Variants in TTC28 observed in about 807,000 individuals in gnomAD.
The protein encoded by TTC28 is tetratricopeptide repeat protein 28.
Under a neutral mutation model 198.0 loss-of-function variants are expected in TTC28, and 61 were observed. The ratio of observed to expected loss-of-function variants is 0.31; its 90% CI spans 0.25 to 0.38. TTC28 has a LOEUF of 0.38. TTC28 is among the 10% of genes least tolerant of loss of function. The probability of loss-of-function intolerance (pLI) is 1.00; values close to 1 mark genes in which losing one functional copy is unlikely to be tolerated. For missense variants in TTC28, 2,678 were observed against 3,164.0 expected, an observed-to-expected ratio of 0.85 and a Z score of 3.69; for synonymous variants, 1,171 against 1,297.8, an observed-to-expected ratio of 0.90 and a Z score of 2.10.
intron 6 of TTC28, among the ~76,000 whole-genome samples, chr22:28,142,714 T>C (rs929371706): frequency 7.2e-5 from 11 of 151,984 alleles, no homozygotes; most frequent in Non-Finnish European, 1.5e-5. Flanking sequence ...AGAAGAAAAA[T>C]AGTGGTTGGA....
Position 28,192,877 on chromosome 22 carries a change from T to A in TTC28, c.934-29278A>T, listed in dbSNP as rs561737000. On this transcript the variant is annotated intron_variant, in intron 5 of 22. Transcript: ENST00000397906. The stretch of plus-strand genomic sequence containing the variant: ...GTTGGAAACCACTCTGCAGGATATT[T>A]TCCAGGAGAACTTCCCCAACCTAGC... Among the ~76,000 whole-genome samples, 16 of 152,282 alleles carry A rather than the reference T, an allele frequency of 1.1e-4. No individual in the cohort carries two copies. The East Asian group carries it at 3.1e-3, about 29-fold the overall frequency.
rs200650334 is a variant in TTC28, at chr22:28,459,327, A to ATG, written c.382-152686_382-152685dup. Among the ~76,000 whole-genome samples the ATG allele has an allele frequency of 8.1e-3, 1,235 of 152,194 alleles. 18 individuals carry two copies. Among genetic ancestry groups the ATG allele is most frequent in the African/African-American group, 0.027 (1,137 of 41,518 alleles). On this transcript the variant is annotated intron_variant, in intron 2 of 22. Transcript: ENST00000397906. ...ACACCTGTGGTTCCAGATACTCAGG[A>ATG]TGCTGAAGTGGGAGGATCACTTGAT...
At chr22:28,093,941 G>T in intron 12 of TTC28, 139 bp downstream of exon 12, 1 of 846,502 alleles carries the variant, frequency 1.2e-6, no homozygotes, top group Non-Finnish European at 1.7e-6. Flanking sequence ...ATTTGTTTCT[G>T]CTGCAGCAGC....
At chr22:28,269,249 G>T (rs1277166844) in intron 5 of TTC28, among the ~76,000 whole-genome samples, 2 of 151,862 alleles carry the variant, frequency 1.3e-5, no homozygotes. Context: ...TGGTATCAGT[G>T]GTCTTTGGAA....
chr22:28,620,546 AAC>A (rs929576718), intron 2 of TTC28, among the ~76,000 whole-genome samples: 1 of 152,326 alleles, frequency 6.6e-6, no homozygotes, highest in African/African-American at 2.4e-5. Context: ...TAGAGATCCT[AAC>A]ACAGTTCTTT....
At position 28,171,622 on chromosome 22, in the gene TTC28, CAAAA is replaced by C. The variant is rs5844804; in HGVS notation, c.934-8027_934-8024del. On this transcript the variant is annotated intron_variant, in intron 5 of 22. Coordinates refer to ENST00000397906, the MANE Select transcript of TTC28 (RefSeq NM_001145418.2). ...ACGGTGCTTGCAAATGGCATATTTG[CAAAA>C]AAAAAAAAAAAAAGCCCCATATTGT... 1.3e-3 allele frequency among the ~76,000 whole-genome samples: 139 copies of C among 104,606 alleles called. 1 individual carries two copies. Among genetic ancestry groups the C allele is most frequent in the African/African-American group, 4.7e-3 (130 of 27,638 alleles). The allele number at this position is 104,606 out of a possible 152,430, so 68.6% of individuals were successfully genotyped here.
intron 3 of TTC28, among the ~76,000 whole-genome samples, chr22:28,301,315 A>T (rs183243216): frequency 2.2e-3 from 332 of 152,320 alleles, no homozygotes; most frequent in Admixed American, 5.0e-3. Context: ...AGCTATTAAG[A>T]TGCTTTTCTT....
chr22:28,065,681 T>C (rs1940720851), intron 12 of TTC28, among the ~76,000 whole-genome samples: 2 of 152,238 alleles, frequency 1.3e-5, no homozygotes. Context: ...TTTTCTTTTT[T>C]ACTTATTTTG....
At chr22:28,051,156 TA>T (rs1395965329) in intron 12 of TTC28, among the ~76,000 whole-genome samples, 1 of 152,170 alleles carries the variant, frequency 6.6e-6, no homozygotes, top group African/African-American at 2.4e-5. Context: ...AAGTGACTTT[TA>T]AAATTATTCC....
chr22:28,058,790 G>C (rs1260714325), intron 12 of TTC28, among the ~76,000 whole-genome samples: 1 of 151,772 alleles, frequency 6.6e-6, no homozygotes, highest in Non-Finnish European at 1.5e-5. Context: ...AATAGACATA[G>C]GGCTATTCAT....
chr22:28,044,642 C>T (rs1353693553), intron 12 of TTC28, among the ~76,000 whole-genome samples: 1 of 152,164 alleles, frequency 6.6e-6, no homozygotes, highest in Non-Finnish European at 1.5e-5. Flanking sequence ...TGTGATGTTC[C>T]CCTTCCTGTG....
chr22:28,403,576 T>G (rs373774901), intron 2 of TTC28, among the ~76,000 whole-genome samples: 1 of 152,206 alleles, frequency 6.6e-6, no homozygotes, highest in South Asian at 2.1e-4. Flanking sequence ...GAAGGCTCAT[T>G]TTGCTTTTCC....
chr22:28,626,592 AT>A (rs1389104202), intron 2 of TTC28, among the ~76,000 whole-genome samples: 1 of 152,100 alleles, frequency 6.6e-6, no homozygotes, highest in East Asian at 1.9e-4. Context: ...GCCTAGAAAA[AT>A]AAGTATAAAA....
chr22:28,404,589 C>T (rs1214450390), intron 2 of TTC28, among the ~76,000 whole-genome samples: 1 of 152,186 alleles, frequency 6.6e-6, no homozygotes, highest in Non-Finnish European at 1.5e-5. Context: ...CAGGACTTAA[C>T]CTCCAGTTTC....
At chr22:28,585,423 G>A (rs1215781840) in intron 2 of TTC28, among the ~76,000 whole-genome samples, 1 of 152,146 alleles carries the variant, frequency 6.6e-6, no homozygotes, top group Non-Finnish European at 1.5e-5. Flanking sequence ...GTTCACGATA[G>A]GGTTAAGGCT....
chr22:28,658,585 T>C (rs5762737), intron 1 of TTC28, among the ~76,000 whole-genome samples: 61,664 of 152,118 alleles, frequency 0.41, 14,346 homozygotes, highest in East Asian at 0.63. Flanking sequence ...TTTTACAAGA[T>C]GAAGAGTTAT....
At position 28,163,503 on chromosome 22, in the gene TTC28, C is replaced by A; in HGVS notation, c.1030G>T (p.Ala344Ser). 6.4e-7 allele frequency: 1 copy of A among 1,551,744 alleles called. No homozygotes were observed. The highest frequency in any genetic ancestry group is 1.2e-5 in the South Asian group (1 of 84,054). ...LASHKQCVLL[A>S]KQSKDELSEA... ...GAAAGTTCATCTTTGGATTGCTTGG[C>A]AAGAAGAACACACTGTTTGTGACTG... The change falls in exon 6 of 23, where the codon GCC (alanine) becomes TCC (serine). Residue 344 changes from alanine (A) to serine (S), a missense_variant. Coordinates refer to ENST00000397906, the MANE Select transcript of TTC28 (RefSeq NM_001145418.2).
rs536834665 is a variant in TTC28, at chr22:28,565,975, G to A, written c.381+63577C>T. ...AGGGAAAAATCAAAAGTAGGAGAGA[G>A]TTTTGCCTAGCTCCACATGTGAAAC... On this transcript the variant is annotated intron_variant, in intron 2 of 22. Transcript: ENST00000397906. 3.3e-5 allele frequency among the ~76,000 whole-genome samples: 5 copies of A among 152,278 alleles called. No homozygotes were observed. In the East Asian group the frequency reaches 9.6e-4, roughly 29 times the overall value.
At chr22:28,245,726 ATG>A (rs1401185507) in intron 5 of TTC28, among the ~76,000 whole-genome samples, 1 of 152,322 alleles carries the variant, frequency 6.6e-6, no homozygotes, top group Admixed American at 6.5e-5. Flanking sequence ...GATCAAGCTA[ATG>A]AGACTGCTTT....
Sources: allele counts gnomAD v4.1 joint callset (sites outside exome capture counted in the v4.1 genomes callset), GRCh38; gene constraint gnomAD v4.1.1; transcripts MANE v1.5; gene names NCBI Gene and HGNC (gene_info 2026-07-23, HGNC 2026-07-21).